The following CMSS1 variants were observed in gnomAD, a reference collection of about 807,000 sequenced individuals.
The protein encoded by CMSS1 is protein CMSS1.
Under a neutral mutation model 43.5 loss-of-function variants are expected in CMSS1, and 33 were observed. That is an observed-to-expected ratio of 0.76 (90% CI 0.57 to 1.01). The LOEUF is 1.01. CMSS1 is among the 50% of genes least tolerant of loss of function. The pLI, the probability that CMSS1 is intolerant of heterozygous loss-of-function variation, is 0.00. For synonymous variants in CMSS1, 115 were observed against 117.2 expected (o/e 0.98, Z 0.12); for missense variants, 313 against 326.4 (o/e 0.96, Z 0.32).
intron 1 of CMSS1, 111 bp downstream of exon 1, chr3:99,818,154 C>G: frequency 1.0e-6 from 1 of 982,144 alleles, no homozygotes; most frequent in South Asian, 1.4e-5. Flanking sequence ...GGGTGTGCAC[C>G]GCCTTGGGAG....
chr3:99,881,640 C>T (rs1476048767), intron 1 of CMSS1, among the ~76,000 whole-genome samples: 1 of 151,818 alleles, frequency 6.6e-6, no homozygotes, highest in Non-Finnish European at 1.5e-5. Flanking sequence ...TCAGACAGTT[C>T]TCCTGCCTCA....
At chr3:99,950,249 G>A (rs1422501717) in intron 1 of CMSS1, among the ~76,000 whole-genome samples, 2 of 152,076 alleles carry the variant, frequency 1.3e-5, no homozygotes, top group African/African-American at 4.8e-5. Flanking sequence ...CTATGTATCG[G>A]AAATAGACTA....
chr3:99,984,268 A>C (rs893326260), intron 1 of CMSS1, among the ~76,000 whole-genome samples: 2 of 152,180 alleles, frequency 1.3e-5, no homozygotes, highest in Admixed American at 6.5e-5. Context: ...TATTATGTAG[A>C]GTGTCCTGTC....
At chr3:99,828,349 C>G (rs1942574312) in intron 1 of CMSS1, among the ~76,000 whole-genome samples, 1 of 150,610 alleles carries the variant, frequency 6.6e-6, no homozygotes, top group Non-Finnish European at 1.5e-5. Context: ...TCTATTCACT[C>G]TAGATTTATC....
At chr3:99,925,518 T>C (rs902316017) in intron 1 of CMSS1, among the ~76,000 whole-genome samples, 2 of 152,196 alleles carry the variant, frequency 1.3e-5, no homozygotes, top group Admixed American at 6.5e-5. Context: ...TTGTTTTGTT[T>C]TGTTTGGTCA....
intron 1 of CMSS1, among the ~76,000 whole-genome samples, chr3:100,091,174 A>G (rs565670907): frequency 2.0e-5 from 3 of 151,514 alleles, no homozygotes; most frequent in African/African-American, 7.3e-5. Flanking sequence ...AGTCCCAGCT[A>G]CTCGGGAGGC....
chr3:100,049,441 T>C (rs1386409417), intron 1 of CMSS1, among the ~76,000 whole-genome samples: 1 of 152,032 alleles, frequency 6.6e-6, no homozygotes, highest in Non-Finnish European at 1.5e-5. Context: ...GGCACTAGAG[T>C]GTCATATTTT....
intron 1 of CMSS1, among the ~76,000 whole-genome samples, chr3:100,072,879 C>T (rs1236739327): frequency 6.6e-6 from 1 of 152,188 alleles, no homozygotes; most frequent in Non-Finnish European, 1.5e-5. Context: ...CCCACTTCCT[C>T]TAACTTGTCA....
intron 1 of CMSS1, among the ~76,000 whole-genome samples, chr3:100,000,108 A>G (rs990693245): frequency 1.3e-5 from 2 of 152,200 alleles, no homozygotes; most frequent in African/African-American, 4.8e-5. Context: ...TCAGGACTGG[A>G]AACACTGGCC....
intron 1 of CMSS1, among the ~76,000 whole-genome samples, chr3:100,122,845 A>G (rs911207436): frequency 1.3e-5 from 2 of 152,224 alleles, no homozygotes; most frequent in Non-Finnish European, 2.9e-5. Context: ...AGTAATCCAG[A>G]TTTATGGTAG....
At chr3:99,859,886 C>T (rs963436544) in intron 1 of CMSS1, among the ~76,000 whole-genome samples, 22 of 152,064 alleles carry the variant, frequency 1.4e-4, no homozygotes, top group African/African-American at 4.3e-4. Flanking sequence ...AGCTGTGACC[C>T]GTCTTTTTTA....
At chr3:99,999,133 C>G (rs908168953) in intron 1 of CMSS1, among the ~76,000 whole-genome samples, 17 of 152,138 alleles carry the variant, frequency 1.1e-4, no homozygotes, top group Admixed American at 3.9e-4. Flanking sequence ...CAGTTTTATG[C>G]CATGAATTGT....
intron 1 of CMSS1, among the ~76,000 whole-genome samples, chr3:99,963,767 G>A (rs1334556636): frequency 3.3e-5 from 5 of 151,932 alleles, no homozygotes; most frequent in Admixed American, 1.3e-4. Context: ...ACAGGCACAC[G>A]CCACCATGCT....
At chr3:100,101,112 A>T (rs1339568378) in intron 1 of CMSS1, among the ~76,000 whole-genome samples, 1 of 152,168 alleles carries the variant, frequency 6.6e-6, no homozygotes, top group East Asian at 1.9e-4. Context: ...TGGAATTCTC[A>T]TTAGACTATG....
At chr3:100,099,858 C>T in intron 1 of CMSS1, among the ~76,000 whole-genome samples, 1 of 152,056 alleles carries the variant, frequency 6.6e-6, no homozygotes. Flanking sequence ...GTAGAACATT[C>T]CAGGTGTGGT....
chr3:99,965,890 G>A (rs909887284), intron 1 of CMSS1, among the ~76,000 whole-genome samples: 1 of 152,080 alleles, frequency 6.6e-6, no homozygotes, highest in Non-Finnish European at 1.5e-5. Context: ...CCAGCCTGCC[G>A]CCACTGGACC....
intron 1 of CMSS1, among the ~76,000 whole-genome samples, chr3:100,127,275 G>A (rs1438041011): frequency 6.6e-6 from 1 of 152,072 alleles, no homozygotes; most frequent in East Asian, 1.9e-4. Flanking sequence ...CAAACCCTTG[G>A]CCTAATCCTC....
At chr3:100,031,120 A>G (rs1333567869) in intron 1 of CMSS1, among the ~76,000 whole-genome samples, 1 of 152,112 alleles carries the variant, frequency 6.6e-6, no homozygotes, top group Non-Finnish European at 1.5e-5. Context: ...AATTTAGAAC[A>G]TATTTTCCTA....
At chr3:99,966,398 AT>A (rs969753502) in intron 1 of CMSS1, among the ~76,000 whole-genome samples, 20 of 150,584 alleles carry the variant, frequency 1.3e-4, no homozygotes, top group East Asian at 5.9e-4. Context: ...TGATGGATAG[AT>A]TTTTTTTTTC....
Sources: gnomAD v4.1 joint callset for allele counts (sites outside exome capture counted in the v4.1 genomes callset) on GRCh38, gnomAD v4.1.1 for gene constraint, MANE v1.5 for transcripts, NCBI Gene and HGNC (gene_info 2026-07-23, HGNC 2026-07-21) for gene names.